Variants in WDR41 observed in about 807,000 individuals in gnomAD.
WDR41 encodes the protein WD repeat-containing protein 41.
In WDR41, 63 loss-of-function variants were observed where a neutral mutation model predicts 69.3. The observed-to-expected ratio is 0.91, with a 90% CI of 0.74 to 1.12. WDR41 has a LOEUF of 1.12. WDR41 is among the 50% of genes most tolerant of loss of function. The pLI, the probability that WDR41 is intolerant of heterozygous loss-of-function variation, is 0.00. For missense variants in WDR41, 543 were observed against 534.5 expected (o/e 1.02, Z -0.16); for synonymous variants, 185 against 192.1 (o/e 0.96, Z 0.31).
intron 5 of WDR41, among the ~76,000 whole-genome samples, chr5:77,456,583 A>G (rs1262523138): frequency 6.6e-6 from 1 of 152,192 alleles, no homozygotes; most frequent in Non-Finnish European, 1.5e-5. Flanking sequence ...TTTATTGTCC[A>G]ACTGCCCTGG....
At chr5:77,606,802 C>CAAAGA (rs1415180966) in intron 1 of WDR41, among the ~76,000 whole-genome samples, 1 of 136,506 alleles carries the variant, frequency 7.3e-6, no homozygotes, top group African/African-American at 2.7e-5. Flanking sequence ...GACCCTGTCA[C>CAAAGA]AAAGAAAAGA....
intron 1 of WDR41, among the ~76,000 whole-genome samples, chr5:77,583,525 A>T (rs1473884833): frequency 1.3e-5 from 2 of 151,892 alleles, no homozygotes; most frequent in Non-Finnish European, 2.9e-5. Flanking sequence ...AAAAAGAAAA[A>T]AAAAAGCTAC....
chr5:77,505,739 T>C (rs1414871955), intron 1 of WDR41, among the ~76,000 whole-genome samples: 2 of 152,144 alleles, frequency 1.3e-5, no homozygotes, highest in Non-Finnish European at 2.9e-5. Flanking sequence ...ACCACACATC[T>C]ACAACCATCT....
intron 1 of WDR41, among the ~76,000 whole-genome samples, chr5:77,613,134 G>A (rs1744598260): frequency 6.6e-6 from 1 of 151,736 alleles, no homozygotes; most frequent in Non-Finnish European, 1.5e-5. Context: ...ACTGCTCAAT[G>A]AAATAAAAGA....
intron 1 of WDR41, among the ~76,000 whole-genome samples, chr5:77,515,233 ATT>A (rs1222116488): frequency 6.6e-6 from 1 of 151,956 alleles, no homozygotes; most frequent in Non-Finnish European, 1.5e-5. Flanking sequence ...GCCTTTTTCT[ATT>A]TTTAGAGTTT....
At chr5:77,568,018 C>G (rs989901921) in intron 1 of WDR41, among the ~76,000 whole-genome samples, 1 of 152,018 alleles carries the variant, frequency 6.6e-6, no homozygotes, top group Non-Finnish European at 1.5e-5. Flanking sequence ...CCACAACCCC[C>G]AGCTGAGTTG....
chr5:77,518,959 G>A (rs987467805), intron 1 of WDR41, among the ~76,000 whole-genome samples: 2 of 151,954 alleles, frequency 1.3e-5, no homozygotes, highest in Non-Finnish European at 1.5e-5. Context: ...TTTCTCTAAC[G>A]TTCAAAGCAA....
chr5:77,458,991 A>G, intron 5 of WDR41, 71 bp downstream of exon 5: 3 of 1,124,080 alleles, frequency 2.7e-6, no homozygotes, highest in Non-Finnish European at 3.9e-6. Context: ...AATTTCGTCT[A>G]ACTCTTTAAA....
chr5:77,434,052 G>A (rs72769030), intron 12 of WDR41, among the ~76,000 whole-genome samples: 7,588 of 152,232 alleles, frequency 0.05, 326 homozygotes, highest in Admixed American at 0.12. Context: ...AAACAGGGCC[G>A]GGCGTGGTGG....
At chr5:77,492,114 G>C in intron 1 of WDR41, 56 bp downstream of exon 1, 2 of 1,593,860 alleles carry the variant, frequency 1.3e-6, no homozygotes, top group Non-Finnish European at 1.7e-6. Context: ...GAACCGGAAC[G>C]AAGCCGCCCC....
intron 1 of WDR41, among the ~76,000 whole-genome samples, chr5:77,553,732 C>T (rs1743339506): frequency 6.6e-6 from 1 of 152,080 alleles, no homozygotes; most frequent in Admixed American, 6.5e-5. Context: ...ATTAAAACTA[C>T]AATGAGATAC....
At chr5:77,527,599 G>C (rs933342386) in intron 1 of WDR41, among the ~76,000 whole-genome samples, 13 of 151,926 alleles carry the variant, frequency 8.6e-5, no homozygotes, top group African/African-American at 2.9e-4. Flanking sequence ...GAAGAAACTT[G>C]ACCTGATTGA....
At chr5:77,566,424 T>A (rs73126052) in intron 1 of WDR41, among the ~76,000 whole-genome samples, 21,143 of 152,044 alleles carry the variant, frequency 0.14, 2,128 homozygotes, top group African/African-American at 0.27. Flanking sequence ...TATGCATATT[T>A]GTTGCAGCGA....
chr5:77,551,912 G>C (rs1305645044), intron 1 of WDR41, among the ~76,000 whole-genome samples: 4 of 151,534 alleles, frequency 2.6e-5, no homozygotes, highest in Non-Finnish European at 5.9e-5. Context: ...TAGGGAGGCG[G>C]AGGTTGCAGC....
intron 1 of WDR41, among the ~76,000 whole-genome samples, chr5:77,510,766 ATTTTTTTTTTTTTT>A (rs58752727): frequency 1.0e-5 from 1 of 99,588 alleles, no homozygotes; most frequent in South Asian, 3.4e-4. Context: ...TCCAAATTCA[ATTTTTTTTTTTTTT>A]TTTTTTTTTG....
chr5:77,501,647 A>C (rs1802019495), intron 1 of WDR41, among the ~76,000 whole-genome samples: 1 of 152,104 alleles, frequency 6.6e-6, no homozygotes, highest in African/African-American at 2.4e-5. Context: ...CACCTCATAT[A>C]GGTGGATGCC....
At chr5:77,473,878 G>A (rs1371596889) in intron 2 of WDR41, among the ~76,000 whole-genome samples, 10 of 152,148 alleles carry the variant, frequency 6.6e-5, no homozygotes, top group South Asian at 2.1e-4. Flanking sequence ...TCAGTGTGGC[G>A]ATTCCTCAGG....
intron 1 of WDR41, among the ~76,000 whole-genome samples, chr5:77,531,385 G>A (rs1802526898): frequency 6.6e-6 from 1 of 151,776 alleles, no homozygotes; most frequent in South Asian, 2.1e-4. Flanking sequence ...TATATAAATG[G>A]CCAACAAGCA....
At chr5:77,469,741 A>G (rs1240553901) in intron 2 of WDR41, among the ~76,000 whole-genome samples, 1 of 91,154 alleles carries the variant, frequency 1.1e-5, no homozygotes, top group African/African-American at 7.9e-5. Context: ...AAAAAAGGAT[A>G]AAAAGAAACA....
Sources: allele counts gnomAD v4.1 joint callset (sites outside exome capture counted in the v4.1 genomes callset), GRCh38; gene constraint gnomAD v4.1.1; transcripts MANE v1.5; gene names NCBI Gene and HGNC (gene_info 2026-07-23, HGNC 2026-07-21).